The following RABEP1 variants were observed in gnomAD, a reference collection of about 807,000 sequenced individuals.
RABEP1 encodes rabaptin, RAB GTPase binding effector protein 1.
RABEP1 carries 51 observed loss-of-function variants against 123.4 expected under a neutral mutation model. The observed-to-expected ratio is 0.41, with a 90% CI of 0.33 to 0.52. The LOEUF is 0.52. Ranked by LOEUF, RABEP1 falls within the 20% of genes least tolerant of loss-of-function variation. RABEP1 has a pLI of 0.16. For synonymous variants in RABEP1, 347 were observed against 355.2 expected (o/e 0.98, Z 0.26); for missense variants, 888 against 996.3 (o/e 0.89, Z 1.46).
chr17:5,283,028 G>A (rs927369462), intron 1 of RABEP1, among the ~76,000 whole-genome samples: 4 of 152,116 alleles, frequency 2.6e-5, no homozygotes, highest in African/African-American at 9.7e-5. Flanking sequence ...GAATGGCAGT[G>A]TGGCTTAATG....
chr17:5,285,031 C>T (rs2074964379), intron 1 of RABEP1, among the ~76,000 whole-genome samples: 1 of 151,010 alleles, frequency 6.6e-6, no homozygotes. Context: ...TTAGGAAAAT[C>T]GATTTGTGTG....
chr17:5,300,549 C>T (rs1297157372), intron 1 of RABEP1, among the ~76,000 whole-genome samples: 1 of 152,138 alleles, frequency 6.6e-6, no homozygotes, highest in Non-Finnish European at 1.5e-5. Context: ...ATACTGTACT[C>T]TTGAGAAGGA....
intron 1 of RABEP1, among the ~76,000 whole-genome samples, chr17:5,283,454 A>G (rs1481466546): frequency 2.0e-5 from 3 of 152,178 alleles, no homozygotes; most frequent in African/African-American, 4.8e-5. Flanking sequence ...GATTGACTAC[A>G]TGGTTCCAGG....
intron 5 of RABEP1, among the ~76,000 whole-genome samples, chr17:5,338,629 C>T (rs2144617384): frequency 6.6e-6 from 1 of 152,236 alleles, no homozygotes; most frequent in East Asian, 1.9e-4. Flanking sequence ...CTCTTATGGA[C>T]ATTTAAAATA....
chr17:5,282,563 C>G, intron 1 of RABEP1, 43 bp downstream of exon 1: 3 of 1,125,550 alleles, frequency 2.7e-6, no homozygotes, highest in Non-Finnish European at 3.3e-6. Flanking sequence ...GCGGCCTGCC[C>G]GGCGTCGGCG....
chr17:5,304,022 G>A (rs1173522918), intron 1 of RABEP1, among the ~76,000 whole-genome samples: 5 of 137,078 alleles, frequency 3.6e-5, no homozygotes, highest in African/African-American at 1.1e-4. Flanking sequence ...CGACAAGAGC[G>A]AAATTCCATC....
At chr17:5,329,960 C>T (rs1354784227) in intron 2 of RABEP1, among the ~76,000 whole-genome samples, 1 of 151,880 alleles carries the variant, frequency 6.6e-6, no homozygotes, top group Non-Finnish European at 1.5e-5. Context: ...ATAATGACAA[C>T]ATGGTAGTGA....
intron 1 of RABEP1, among the ~76,000 whole-genome samples, chr17:5,306,957 T>A (rs115473150): frequency 0.029 from 4,437 of 152,292 alleles, 73 homozygotes; most frequent in Middle Eastern, 0.065. Flanking sequence ...ACCATCAGTT[T>A]GAACCATCTG....
chr17:5,377,154 C>A lies in RABEP1; in HGVS notation c.2064C>A (p.Ile688=), dbSNP rs778470543. The A allele has an allele frequency of 2.5e-6, 4 of 1,607,596 alleles. No homozygotes were observed. Among genetic ancestry groups the A allele is most frequent in the Non-Finnish European group, 3.4e-6 (4 of 1,178,556 alleles). Residue 688 remains isoleucine (I), a synonymous_variant, in exon 14 of 18, where the codon ATC becomes ATA. Coordinates refer to ENST00000537505, the MANE Select transcript of RABEP1 (RefSeq NM_004703.6). ...TGGTATTAAAATACCGTGAGGACAT[C>A]ATTAATGTGCGGACAGCAGCAGACC... ...RELVLKYRED[I]INVRTAADHV... is the part of the protein sequence containing the mutation.
intron 3 of RABEP1, among the ~76,000 whole-genome samples, chr17:5,332,412 GTAAGGCT>G (rs1321473657): frequency 6.6e-6 from 1 of 152,086 alleles, no homozygotes; most frequent in Non-Finnish European, 1.5e-5. Context: ...ATAGTTCATT[GTAAGGCT>G]TAAAAGTCGA....
rs1421383744 is a variant in RABEP1 at position 5,383,169 on chromosome 17, G to A, written c.2535G>A (p.Arg845=). 1 of 1,614,084 alleles carries A rather than the reference G, an allele frequency of 6.2e-7. No individual in the cohort carries two copies. The highest frequency in any genetic ancestry group is 8.5e-7 in the Non-Finnish European group (1 of 1,180,012). ...IRQADSLERI[R]AILNDTKLTD... ...AAGCTGACTCCTTGGAGAGAATCCG[G>A]GCAATTCTGAATGATACTAAACTGA... Residue 845 remains arginine (R), a synonymous_variant, in exon 18 of 18, where the codon CGG becomes CGA. Coordinates refer to ENST00000537505, the MANE Select transcript of RABEP1 (RefSeq NM_004703.6).
In RABEP1 at chr17:5,381,591, G is replaced by A. The variant is rs3026113; in HGVS notation, c.2487+86G>A. On this transcript the variant is annotated intron_variant, in intron 17 of 17. Transcript: ENST00000537505. ...CCGATCCCTGACTTGACCACTGGCA[G>A]TAGCTAGAGGTTTAGAGACTGGCTG... The A allele has an allele frequency of 7.2e-4, 1,087 of 1,504,158 alleles. 8 individuals carry two copies. The African/African-American group carries it at 0.013, about 17-fold the overall frequency. The allele number at this position is 1,504,158 out of a possible 1,614,324, so 93.2% of individuals were successfully genotyped here.
rs571298468 is a variant in RABEP1, at chr17:5,299,810, A to G, written c.35-8884A>G. ...AATGGCGTGATCTCGGCTCACTGCAACCTCTGCCTCCTGGGTTCAAGCGAT... is the reference window on the plus strand; with the variant it reads ...AATGGCGTGATCTCGGCTCACTGCAGCCTCTGCCTCCTGGGTTCAAGCGAT... On this transcript the variant is annotated intron_variant, in intron 1 of 17. Transcript: ENST00000537505. Among the ~76,000 whole-genome samples the G allele has an allele frequency of 3.6e-5, 5 of 139,858 alleles. No homozygotes were observed. In the East Asian group the frequency reaches 1.1e-3, roughly 31 times the overall value. The allele number at this position is 139,858 out of a possible 152,430, so 91.8% of individuals were successfully genotyped here. A position where few individuals can be genotyped will look rare whatever the true frequency, so the allele number is the denominator to read the frequency against.
At chr17:5,351,022 T>A (rs994027355) in intron 7 of RABEP1, among the ~76,000 whole-genome samples, 3 of 152,178 alleles carry the variant, frequency 2.0e-5, no homozygotes, top group Non-Finnish European at 2.9e-5. Context: ...ATTATGAGAT[T>A]TTTTTTGCAA....
At chr17:5,374,170 G>A (rs1910783264) in intron 13 of RABEP1, among the ~76,000 whole-genome samples, 1 of 152,034 alleles carries the variant, frequency 6.6e-6, no homozygotes. Context: ...AGGTTTAAAC[G>A]ATTCTCCTGC....
chr17:5,340,634 A>G (rs1306746474), intron 5 of RABEP1, among the ~76,000 whole-genome samples: 1 of 117,254 alleles, frequency 8.5e-6, no homozygotes, highest in Admixed American at 8.4e-5. Flanking sequence ...ATAATGCCAG[A>G]TCTTTAAAAA....
At position 5,385,669 on chromosome 17, in the gene RABEP1, G is replaced by C. The variant is rs576801265; in HGVS notation, c.*2446G>C. 4 of 231,238 alleles carry C rather than the reference G, an allele frequency of 1.7e-5. No individual in the cohort carries two copies. The highest frequency in any genetic ancestry group is 1.8e-4 in the South Asian group (1 of 5,496). 14.3% of individuals were successfully genotyped at this position (231,238 alleles called of 1,614,324 possible). A position where few individuals can be genotyped will look rare whatever the true frequency, so the allele number is the denominator to read the frequency against. On this transcript the variant is annotated 3_prime_UTR_variant, in exon 18 of 18. Coordinates refer to ENST00000537505, the MANE Select transcript of RABEP1 (RefSeq NM_004703.6). ...CTCTGAAAGGTAATACAGCTTGTGA[G>C]GAAGTGAGCCAGCAGTGGCCTTTGC...
chr17:5,317,626 G>GATATATATATATATAT lies in RABEP1; in HGVS notation c.163+8811_163+8826dup, dbSNP rs56165368. Among the ~76,000 whole-genome samples the GATATATATATATATAT allele has an allele frequency of 5.0e-3, 749 of 149,400 alleles. 3 individuals carry two copies. Among genetic ancestry groups the GATATATATATATATAT allele is most frequent in the African/African-American group, 6.8e-3 (276 of 40,668 alleles). The stretch of plus-strand genomic sequence containing the variant: ...AAGGAAAGGAATCCATACTGGAAAG[G>GATATATATATATATAT]ATATATATATATATATATATATGTA... On this transcript the variant is annotated intron_variant, in intron 2 of 17. Coordinates refer to ENST00000537505, the MANE Select transcript of RABEP1 (RefSeq NM_004703.6).
intron 5 of RABEP1, among the ~76,000 whole-genome samples, chr17:5,340,052 C>T (rs190358069): frequency 2.6e-5 from 4 of 152,256 alleles, no homozygotes; most frequent in Admixed American, 2.6e-4. Context: ...CAAGGAGAAA[C>T]TGACTTTCAC....
Sources: allele counts gnomAD v4.1 joint callset (sites outside exome capture counted in the v4.1 genomes callset), GRCh38; gene constraint gnomAD v4.1.1; transcripts MANE v1.5; gene names NCBI Gene and HGNC (gene_info 2026-07-23, HGNC 2026-07-21).